Variants in RAB38 observed in about 807,000 individuals in gnomAD.
RAB38 encodes RAB38, member RAS oncogene family.
RAB38 carries 15 observed loss-of-function variants against 18.4 expected under a neutral mutation model. That is an observed-to-expected ratio of 0.82 (90% CI 0.55 to 1.26). The LOEUF (loss-of-function observed/expected upper bound fraction) is 1.26, where lower values mean the gene tolerates loss of function less well. Among genes scored for constraint, RAB38 ranks in the 50% most tolerant of loss-of-function variants. The pLI is 0.00. For synonymous variants in RAB38, 101 were observed against 104.4 expected (o/e 0.97, Z 0.20); for missense variants, 294 against 267.4 (o/e 1.10, Z -0.69).
At chr11:88,046,349 C>T in the RAB38 span, among the ~76,000 whole-genome samples, 1 of 152,160 alleles carries the variant, frequency 6.6e-6, no homozygotes, top group Non-Finnish European at 1.5e-5. Context: ...AAATTGTTTT[C>T]CCTATCCACC....
the RAB38 span, among the ~76,000 whole-genome samples, chr11:88,043,202 T>C: frequency 5.3e-5 from 8 of 152,344 alleles, no homozygotes; most frequent in African/African-American, 1.9e-4. Context: ...CATGTGATCA[T>C]GCCTGTTTCC....
Position 88,113,811 on chromosome 11 carries a change from G to T in RAB38, c.*177C>A. 1 of 729,674 alleles carries T rather than the reference G, an allele frequency of 1.4e-6. No homozygotes were observed. The highest frequency in any genetic ancestry group is 2.2e-6 in the Non-Finnish European group (1 of 454,016). 45.2% of individuals were successfully genotyped at this position (729,674 alleles called of 1,614,324 possible). A position where few individuals can be genotyped will look rare whatever the true frequency, so the allele number is the denominator to read the frequency against. Reference sequence around the variant, plus strand: ...AGTTTGTAAACACTGTGATGATGGTGAGGAAAGCATAGAAAGAACATTTGC... The same window carrying T: ...AGTTTGTAAACACTGTGATGATGGTTAGGAAAGCATAGAAAGAACATTTGC... On this transcript the variant is annotated 3_prime_UTR_variant, in exon 3 of 3. Coordinates refer to ENST00000243662, the MANE Select transcript of RAB38 (RefSeq NM_022337.3).
chr11:87,872,398 A>G, the RAB38 span, among the ~76,000 whole-genome samples: 1 of 151,508 alleles, frequency 6.6e-6, no homozygotes, highest in African/African-American at 2.4e-5. Flanking sequence ...CCCACCATCA[A>G]CATCCTGCAC....
the RAB38 span, among the ~76,000 whole-genome samples, chr11:87,942,492 TG>T: frequency 6.6e-6 from 1 of 152,192 alleles, no homozygotes; most frequent in African/African-American, 2.4e-5. Context: ...ATGCTTAGGT[TG>T]CCTGCTCTCA....
At chr11:87,887,720 A>G in the RAB38 span, among the ~76,000 whole-genome samples, 1 of 151,984 alleles carries the variant, frequency 6.6e-6, no homozygotes, top group Non-Finnish European at 1.5e-5. Flanking sequence ...TGCTCTTTGA[A>G]ACATACATCT....
downstream of RAB38, among the ~76,000 whole-genome samples, chr11:88,110,753 G>A (rs1452634108): frequency 6.7e-6 from 1 of 149,794 alleles, no homozygotes; most frequent in Non-Finnish European, 1.5e-5. Context: ...GGAGGTGGAG[G>A]TTTCAGTGAG....
intron 2 of RAB38, among the ~76,000 whole-genome samples, chr11:88,135,826 T>G (rs1313040140): frequency 6.6e-6 from 1 of 152,246 alleles, no homozygotes; most frequent in Admixed American, 6.5e-5. Flanking sequence ...TATAGTATCC[T>G]GGCATCTCAA....
intron 1 of RAB38, among the ~76,000 whole-genome samples, chr11:88,162,699 C>T (rs1943200760): frequency 1.3e-5 from 2 of 152,044 alleles, no homozygotes. Flanking sequence ...TGTTCTATAA[C>T]TAGAAAAAAA....
At chr11:87,975,248 A>G in the RAB38 span, among the ~76,000 whole-genome samples, 1 of 151,728 alleles carries the variant, frequency 6.6e-6, no homozygotes, top group Non-Finnish European at 1.5e-5. Context: ...CGAAGAAACT[A>G]CTCCCGAAGA....
chr11:87,830,310 C>G, the RAB38 span, among the ~76,000 whole-genome samples: 1 of 151,868 alleles, frequency 6.6e-6, no homozygotes, highest in South Asian at 2.1e-4. Context: ...TGTAACCCCC[C>G]ATCTCTACAA....
chr11:87,971,187 G>T, the RAB38 span, among the ~76,000 whole-genome samples: 1 of 152,084 alleles, frequency 6.6e-6, no homozygotes, highest in African/African-American at 2.4e-5. Context: ...AAAGCAATAA[G>T]GGAGCAAAGA....
the RAB38 span, among the ~76,000 whole-genome samples, chr11:87,889,456 T>C: frequency 1.3e-5 from 2 of 151,974 alleles, no homozygotes; most frequent in East Asian, 3.9e-4. Flanking sequence ...GGACTACTTT[T>C]TCCTGTGTGT....
chr11:88,173,645 C>T, intron 1 of RAB38: 1 of 985,428 alleles, frequency 1.0e-6, no homozygotes. Context: ...AATCTGAATC[C>T]TGAGGACTTT....
At chr11:88,100,303 C>A in the RAB38 span, among the ~76,000 whole-genome samples, 2 of 151,858 alleles carry the variant, frequency 1.3e-5, no homozygotes. Flanking sequence ...GGTCAGCCAA[C>A]ATAAATCGAA....
the RAB38 span, among the ~76,000 whole-genome samples, chr11:87,974,307 G>A: frequency 6.6e-6 from 1 of 151,204 alleles, no homozygotes; most frequent in African/African-American, 2.4e-5. Context: ...GAACCAAATG[G>A]AAATGAAAAC....
At chr11:88,060,629 T>C in the RAB38 span, among the ~76,000 whole-genome samples, 3 of 152,174 alleles carry the variant, frequency 2.0e-5, no homozygotes, top group Non-Finnish European at 2.9e-5. Context: ...TCAACTCTAC[T>C]AGAGTTTCTC....
chr11:87,889,733 C>T, the RAB38 span, among the ~76,000 whole-genome samples: 2 of 151,712 alleles, frequency 1.3e-5, no homozygotes, highest in Non-Finnish European at 2.9e-5. Flanking sequence ...GACTTCAAAG[C>T]CCATATTCTT....
the RAB38 span, chr11:87,816,547 G>T: frequency 5.3e-5 from 8 of 152,120 alleles, no homozygotes; most frequent in Admixed American, 4.6e-4. Context: ...AATATGATCA[G>T]GTGGTAATAT....
At chr11:88,085,397 A>G in the RAB38 span, among the ~76,000 whole-genome samples, 415 of 152,078 alleles carry the variant, frequency 2.7e-3, 4 homozygotes, top group African/African-American at 9.6e-3. Flanking sequence ...AGGGAAGCCA[A>G]GTAACTTTTA....
Sources: gnomAD v4.1 joint callset for allele counts (sites outside exome capture counted in the v4.1 genomes callset) on GRCh38, gnomAD v4.1.1 for gene constraint, MANE v1.5 for transcripts, NCBI Gene and HGNC (gene_info 2026-07-23, HGNC 2026-07-21) for gene names.